Variants in ALG6 observed in about 807,000 individuals in gnomAD.
ALG6 encodes dolichyl pyrophosphate Man9GlcNAc2 alpha-1,3-glucosyltransferase.
In ALG6, 46 loss-of-function variants were observed where a neutral mutation model predicts 66.6. That is an observed-to-expected ratio of 0.69 (90% confidence interval 0.55 to 0.88). ALG6 has a LOEUF of 0.88. Ranked by LOEUF, ALG6 falls within the 40% of genes least tolerant of loss-of-function variation. The pLI, the probability that ALG6 is intolerant of heterozygous loss-of-function variation, is 0.00. For missense variants in ALG6, 505 were observed against 586.8 expected (o/e 0.86, Z 1.44); for synonymous variants, 185 against 203.7 (o/e 0.91, Z 0.78).
At chr1:63,395,154 G>T (rs572602539) in intron 2 of ALG6, among the ~76,000 whole-genome samples, 14 of 152,020 alleles carry the variant, frequency 9.2e-5, no homozygotes, top group African/African-American at 3.4e-4. Flanking sequence ...GTGAGCCTCC[G>T]CGCCTGGCCA....
intron 11 of ALG6, among the ~76,000 whole-genome samples, chr1:63,417,330 G>C (rs1570075868): frequency 6.6e-6 from 1 of 152,302 alleles, no homozygotes; most frequent in East Asian, 1.9e-4. Flanking sequence ...CAGTGTTAGA[G>C]ATGATTACTT....
chr1:63,428,790 G>T lies in ALG6; in HGVS notation c.1116G>T (p.Val372=). 4 of 1,609,098 alleles carry T rather than the reference G, an allele frequency of 2.5e-6. No individual in the cohort carries two copies. Among genetic ancestry groups the T allele is most frequent in the Non-Finnish European group, 3.4e-6 (4 of 1,176,562 alleles). The part of the protein sequence containing the change: ...IPFMSTWFLL[V]STFSMLPLLL... ...TTATGTCTACTTGGTTTTTACTTGT[G>T]TCAACATTTAGGTAAGTCATATCAA... The change falls in exon 13 of 15, where the codon GTG becomes GTT. Residue 372 remains valine (V), a synonymous_variant. Transcript: ENST00000263440.
rs532466353 is a variant in ALG6 at position 63,411,316 on chromosome 1, G to T, written c.665G>T (p.Gly222Val). 2 of 1,613,538 alleles carry T rather than the reference G, an allele frequency of 1.2e-6. No homozygotes were observed. The highest frequency in any genetic ancestry group is 8.5e-7 in the Non-Finnish European group (1 of 1,179,794). ...TTACTTGGCAAGTGTTTTAAAAAAGGCCTCAAAGGAAAGGGGTGAGTGACT... is the reference window on the plus strand; with the variant it reads ...TTACTTGGCAAGTGTTTTAAAAAAGTCCTCAAAGGAAAGGGGTGAGTGACT... ...CFLLGKCFKKGLKGKGFVLLV... is the reference protein window; with the variant it reads ...CFLLGKCFKKVLKGKGFVLLV... Residue 222 changes from glycine (G) to valine (V), a missense_variant, in exon 8 of 15, where the codon GGC (glycine) becomes GTC (valine). By Grantham distance (109) the Gly-to-Val change is moderately radical. Transcript: ENST00000263440.
chr1:63,401,921 C>A (rs1233541395), intron 3 of ALG6, among the ~76,000 whole-genome samples: 1 of 152,108 alleles, frequency 6.6e-6, no homozygotes, highest in Non-Finnish European at 1.5e-5. Flanking sequence ...ACCTACTTTT[C>A]TTCCTAAAAT....
rs188319701 is a variant in ALG6 at position 63,381,184 on chromosome 1, G to T, written c.82+10125G>T. On this transcript the variant is annotated intron_variant, in intron 2 of 14. Transcript: ENST00000263440. Reference sequence around the variant, plus strand: ...AAAATACAAAAATTGGCCAGGCGCGGTGGCTCACGCCTGTAATCCCAGCAC... The same window carrying T: ...AAAATACAAAAATTGGCCAGGCGCGTTGGCTCACGCCTGTAATCCCAGCAC... 2.6e-5 allele frequency among the ~76,000 whole-genome samples: 4 copies of T among 152,250 alleles called. No homozygotes were observed. In the South Asian group the frequency reaches 6.2e-4, roughly 24 times the overall value.
chr1:63,413,668 T>C (rs1644527498), intron 9 of ALG6: 1 of 175,658 alleles, frequency 5.7e-6, no homozygotes, highest in African/African-American at 2.4e-5. Flanking sequence ...ACTCTGTTAC[T>C]CTAAGTAAAT....
intron 4 of ALG6, among the ~76,000 whole-genome samples, chr1:63,403,404 C>T (rs563737113): frequency 2.0e-4 from 30 of 152,218 alleles, no homozygotes; most frequent in African/African-American, 6.3e-4. Context: ...ATTCCTCCTC[C>T]TTTTAAAGAA....
intron 12 of ALG6, among the ~76,000 whole-genome samples, chr1:63,421,768 C>T (rs1644574843): frequency 6.6e-6 from 1 of 151,576 alleles, no homozygotes; most frequent in Admixed American, 6.6e-5. Context: ...CAAACTAACA[C>T]AGCAACAGAA....
chr1:63,381,269 A>G (rs1485207811), intron 2 of ALG6, among the ~76,000 whole-genome samples: 1 of 152,166 alleles, frequency 6.6e-6, no homozygotes, highest in African/African-American at 2.4e-5. Context: ...CCTGGCTAAC[A>G]CGGTGAAACC....
At position 63,422,225 on chromosome 1, in the gene ALG6, A is replaced by AG. The variant is rs1491422091; in HGVS notation, c.1058+2785_1058+2786insG. ...TATGAATATAAATATATATTTATATAAATATAAATATATATATAAATATAT... is the reference window on the plus strand; with the variant it reads ...TATGAATATAAATATATATTTATATAGAATATAAATATATATATAAATATAT... On this transcript the variant is annotated intron_variant, in intron 12 of 14. Coordinates refer to ENST00000263440, the MANE Select transcript of ALG6 (RefSeq NM_013339.4). 9.2e-4 allele frequency among the ~76,000 whole-genome samples: 66 copies of AG among 71,584 alleles called. 20 individuals carry two copies. Among genetic ancestry groups the AG allele is most frequent in the South Asian group, 6.9e-3 (18 of 2,626 alleles). The allele number at this position is 71,584 out of a possible 152,430, so 47.0% of individuals were successfully genotyped here. A position where few individuals can be genotyped will look rare whatever the true frequency, so the allele number is the denominator to read the frequency against.
intron 2 of ALG6, among the ~76,000 whole-genome samples, chr1:63,390,803 A>G (rs1196355172): frequency 6.6e-6 from 1 of 152,208 alleles, no homozygotes; most frequent in Non-Finnish European, 1.5e-5. Context: ...GCAGAGTCCC[A>G]TAGTCACTGC....
At chr1:63,429,160 C>G in intron 14 of ALG6, 34 bp downstream of exon 14, 1 of 1,446,432 alleles carries the variant, frequency 6.9e-7, no homozygotes. Context: ...ACACATTTTT[C>G]AGCATGTCAC....
intron 2 of ALG6, among the ~76,000 whole-genome samples, chr1:63,390,404 C>A (rs563711392): frequency 6.6e-6 from 1 of 152,244 alleles, no homozygotes; most frequent in South Asian, 2.1e-4. Flanking sequence ...ACAAAGTCCT[C>A]TTTTACTCTC....
chr1:63,419,983 T>TA (rs1644565343), intron 12 of ALG6, among the ~76,000 whole-genome samples: 1 of 152,170 alleles, frequency 6.6e-6, no homozygotes, highest in South Asian at 2.1e-4. Context: ...ATCCTAATAT[T>TA]AAAATAGTAT....
intron 3 of ALG6, among the ~76,000 whole-genome samples, chr1:63,398,599 A>C (rs1184652096): frequency 3.3e-5 from 5 of 152,026 alleles, no homozygotes; most frequent in Non-Finnish European, 7.4e-5. Flanking sequence ...TAGCTTCCCG[A>C]GTAGCTGGGA....
intron 12 of ALG6, 115 bp from the exon 13 acceptor site, chr1:63,428,618 C>A: frequency 1.3e-6 from 1 of 783,942 alleles, no homozygotes; most frequent in Non-Finnish European, 2.0e-6. Context: ...ACCTTCCTGG[C>A]TGTTTTTAAG....
At chr1:63,427,350 A>C (rs570090283) in intron 12 of ALG6, among the ~76,000 whole-genome samples, 87 of 152,010 alleles carry the variant, frequency 5.7e-4, no homozygotes, top group African/African-American at 1.9e-3. Flanking sequence ...TTATAATCCC[A>C]GGGTTTAAAT....
chr1:63,436,214 GATTC>G (rs537797516), intron 14 of ALG6, among the ~76,000 whole-genome samples: 69 of 152,200 alleles, frequency 4.5e-4, no homozygotes, highest in African/African-American at 1.6e-3. Flanking sequence ...GTGATAATTT[GATTC>G]ATTTATTCAT....
chr1:63,412,141 G>A (rs1294675957), intron 9 of ALG6, 80 bp downstream of exon 9: 2 of 1,585,570 alleles, frequency 1.3e-6, no homozygotes, highest in African/African-American at 1.3e-5. Context: ...GAAGGTACAA[G>A]GAATAGGAAC....
Sources: allele counts gnomAD v4.1 joint callset (sites outside exome capture counted in the v4.1 genomes callset), GRCh38; gene constraint gnomAD v4.1.1; transcripts MANE v1.5; gene names NCBI Gene and HGNC (gene_info 2026-07-23, HGNC 2026-07-21).